The following SYNE3 variants were observed in gnomAD, a reference collection of about 807,000 sequenced individuals.
SYNE3 encodes spectrin repeat containing nuclear envelope family member 3, also known as nesprin-3.
Under a neutral mutation model 111.2 loss-of-function variants are expected in SYNE3, and 100 were observed. The ratio of observed to expected loss-of-function variants is 0.90; its 90% confidence interval spans 0.77 to 1.06. The LOEUF (loss-of-function observed/expected upper bound fraction) is 1.06, where lower values mean the gene tolerates loss of function less well. SYNE3 is among the 50% of genes least tolerant of loss of function. The probability of loss-of-function intolerance (pLI) is 0.00; values close to 1 mark genes in which losing one functional copy is unlikely to be tolerated. For missense variants in SYNE3, 1,160 were observed against 1,240.3 expected (o/e 0.94, Z 0.97); for synonymous variants, 547 against 533.9 (o/e 1.02, Z -0.34).
At chr14:95,452,863 T>G (rs1206437769) in intron 6 of SYNE3, among the ~76,000 whole-genome samples, 1 of 152,222 alleles carries the variant, frequency 6.6e-6, no homozygotes, top group Non-Finnish European at 1.5e-5. Context: ...GGCCTCTTCA[T>G]GCCTCTAAAG....
At chr14:95,450,707 G>A (rs529429906) in intron 7 of SYNE3, 81 of 152,514 alleles carry the variant, frequency 5.3e-4, no homozygotes, top group African/African-American at 1.9e-3. Flanking sequence ...TAAAAGGCAC[G>A]AGTGTTCTCT....
At chr14:95,515,917 G>A (rs1890905952) in intron 1 of SYNE3, among the ~76,000 whole-genome samples, 1 of 152,200 alleles carries the variant, frequency 6.6e-6, no homozygotes, top group Non-Finnish European at 1.5e-5. Flanking sequence ...ACATCAATGG[G>A]TCTGCTGTTT....
chr14:95,508,417 G>A (rs2139612303), intron 1 of SYNE3, among the ~76,000 whole-genome samples: 1 of 152,304 alleles, frequency 6.6e-6, no homozygotes, highest in African/African-American at 2.4e-5. Context: ...CAGCTTTGAT[G>A]GCTGGGCTCT....
intron 1 of SYNE3, among the ~76,000 whole-genome samples, chr14:95,496,366 C>T (rs1445403187): frequency 6.6e-6 from 1 of 152,220 alleles, no homozygotes; most frequent in Non-Finnish European, 1.5e-5. Flanking sequence ...CCCCTGATCC[C>T]TCCACTCCAG....
intron 17 of SYNE3, among the ~76,000 whole-genome samples, chr14:95,425,357 T>C (rs74245008): frequency 0.022 from 3,279 of 152,196 alleles, 249 homozygotes; most frequent in Admixed American, 0.15. Flanking sequence ...AAAGGCTGCA[T>C]AGTGTATGAA....
At chr14:95,515,119 T>G (rs1370867739) in intron 1 of SYNE3, among the ~76,000 whole-genome samples, 1 of 152,108 alleles carries the variant, frequency 6.6e-6, no homozygotes, top group Non-Finnish European at 1.5e-5. Context: ...CAGGCCTTCT[T>G]CTCAGGACCC....
At chr14:95,430,283 G>C (rs925819188) in intron 17 of SYNE3, among the ~76,000 whole-genome samples, 1 of 152,288 alleles carries the variant, frequency 6.6e-6, no homozygotes, top group South Asian at 2.1e-4. Context: ...AAGTGCAGGA[G>C]CTAGAGTCGG....
intron 10 of SYNE3, chr14:95,444,223 A>G (rs1196286315): frequency 4.3e-6 from 2 of 467,952 alleles, no homozygotes; most frequent in African/African-American, 3.9e-5. Context: ...AACAAATACC[A>G]ATGTTAGACT....
intron 8 of SYNE3, among the ~76,000 whole-genome samples, chr14:95,446,470 G>T (rs1886726960): frequency 6.6e-6 from 1 of 152,110 alleles, no homozygotes; most frequent in South Asian, 2.1e-4. Context: ...CAGTTAGTTG[G>T]CTCCCCACCA....
In SYNE3 at chr14:95,441,720, C is replaced by A. The variant is rs545818918; in HGVS notation, c.1911+1435G>T. Among the ~76,000 whole-genome samples the A allele has an allele frequency of 3.9e-5, 6 of 152,282 alleles. No individual in the cohort carries two copies. The East Asian group carries it at 1.2e-3, about 29-fold the overall frequency. On this transcript the variant is annotated intron_variant, in intron 11 of 17. Coordinates refer to ENST00000682763, the MANE Select transcript of SYNE3 (RefSeq NM_152592.6). ...GTGTCCTATTTCTCTACTGCCTCGA[C>A]CTTGAAACTACTAACTGCTAGTTTA...
rs1477056681 is a variant in SYNE3 at position 95,452,297 on chromosome 14, G to A, written c.1224C>T (p.Asn408=). 7.4e-6 allele frequency: 12 copies of A among 1,613,900 alleles called. No homozygotes were observed. Among genetic ancestry groups the A allele is most frequent in the African/African-American group, 2.7e-5 (2 of 74,956 alleles). Reference sequence around the variant, plus strand: ...TGACACTATCAGAGAGTGGCTTCAGGTTGTGAGGGAAGACGATGAGCTCCT... The same window carrying A: ...TGACACTATCAGAGAGTGGCTTCAGATTGTGAGGGAAGACGATGAGCTCCT... ...QLKELIVFPH[N]LKPLSDSVIA... is the part of the protein sequence containing the mutation. The change falls in exon 7 of 18, where the codon AAC becomes AAT. Residue 408 remains asparagine (N), a synonymous_variant. Coordinates refer to ENST00000682763, the MANE Select transcript of SYNE3 (RefSeq NM_152592.6).
chr14:95,466,313 A>AC, intron 3 of SYNE3, 73 bp from the exon 4 acceptor site: 2 of 1,483,886 alleles, frequency 1.3e-6, no homozygotes, highest in Non-Finnish European at 1.8e-6. Context: ...CTGTGCTGTC[A>AC]CCCCCTCCCC....
At chr14:95,481,089 G>A (rs945250957) in intron 1 of SYNE3, among the ~76,000 whole-genome samples, 1 of 152,240 alleles carries the variant, frequency 6.6e-6, no homozygotes, top group Admixed American at 6.5e-5. Context: ...TAATAGGTGC[G>A]TGGGGCACAG....
intron 17 of SYNE3, among the ~76,000 whole-genome samples, chr14:95,428,787 A>G (rs1885577791): frequency 6.6e-6 from 1 of 152,262 alleles, no homozygotes; most frequent in Admixed American, 6.5e-5. Flanking sequence ...GTGCCTAGGC[A>G]GCTGCAAATT....
intron 5 of SYNE3, among the ~76,000 whole-genome samples, chr14:95,456,883 G>A (rs964889124): frequency 1.3e-4 from 20 of 152,088 alleles, no homozygotes; most frequent in African/African-American, 4.6e-4. Context: ...AGGAGATCGA[G>A]ACCATCCTGG....
chr14:95,462,217 C>T (rs1238390937), intron 4 of SYNE3, among the ~76,000 whole-genome samples: 1 of 152,162 alleles, frequency 6.6e-6, no homozygotes, highest in Non-Finnish European at 1.5e-5. Flanking sequence ...TGGCCCCTCC[C>T]CACCTACCCC....
rs534946298 is a variant in SYNE3 at position 95,515,127 on chromosome 14, C to T, written c.-15+1469G>A. On this transcript the variant is annotated intron_variant, in intron 1 of 17. Coordinates refer to ENST00000682763, the MANE Select transcript of SYNE3 (RefSeq NM_152592.6). ...ACATCCTCAGGCCTTCTTCTCAGGA[C>T]CCCCAGCAAGACACGAGTTCCAGAA... Among the ~76,000 whole-genome samples the T allele has an allele frequency of 6.2e-4, 95 of 152,350 alleles. 1 individual carries two copies. The highest frequency in any genetic ancestry group is 2.1e-3 in the African/African-American group (89 of 41,578).
At position 95,465,997 on chromosome 14, in the gene SYNE3, G is replaced by A. The variant is rs376746052; in HGVS notation, c.561C>T (p.Pro187=). The change falls in exon 4 of 18, where the codon CCC becomes CCT. Residue 187 remains proline (P), a synonymous_variant. Coordinates refer to ENST00000682763, the MANE Select transcript of SYNE3 (RefSeq NM_152592.6). ...AASLFNRIGD[P]SVDEDAQKRM... is the part of the protein sequence containing the mutation. ...TCTTCTGGGCATCTTCGTCCACGCTGGGGTCCCCGATCCTGTTGAACAGGG... is the reference window on the plus strand; with the variant it reads ...TCTTCTGGGCATCTTCGTCCACGCTAGGGTCCCCGATCCTGTTGAACAGGG... 4 of 1,609,104 alleles carry A rather than the reference G, an allele frequency of 2.5e-6. No homozygotes were observed. Among genetic ancestry groups the A allele is most frequent in the Non-Finnish European group, 2.6e-6 (3 of 1,175,928 alleles).
At chr14:95,486,538 T>C (rs1889559378) in intron 1 of SYNE3, among the ~76,000 whole-genome samples, 1 of 152,294 alleles carries the variant, frequency 6.6e-6, no homozygotes, top group South Asian at 2.1e-4. Flanking sequence ...CATCTCCCTC[T>C]TCCTGGGCCA....
Sources: allele counts gnomAD v4.1 joint callset (sites outside exome capture counted in the v4.1 genomes callset), GRCh38; gene constraint gnomAD v4.1.1; transcripts MANE v1.5; gene names NCBI Gene and HGNC (gene_info 2026-07-23, HGNC 2026-07-21).